GPHN: variants seen among roughly 807,000 people sequenced by gnomAD.
GPHN encodes gephyrin.
Under a neutral mutation model 95.5 loss-of-function variants are expected in GPHN, and 17 were observed. The observed-to-expected ratio is 0.18, with a 90% CI of 0.12 to 0.27. GPHN has a LOEUF of 0.27. Among genes scored for constraint, GPHN ranks in the 10% least tolerant of loss-of-function variants. The pLI is 1.00. For missense variants in GPHN, 660 were observed against 978.1 expected (o/e 0.67, Z 4.34); for synonymous variants, 320 against 322.5 (o/e 0.99, Z 0.08).
At chr14:66,888,660 G>A (rs1371990701) in intron 5 of GPHN, among the ~76,000 whole-genome samples, 1 of 152,054 alleles carries the variant, frequency 6.6e-6, no homozygotes, top group Non-Finnish European at 1.5e-5. Flanking sequence ...AGATAGTAAT[G>A]TAGGAAATAA....
the GPHN span, among the ~76,000 whole-genome samples, chr14:67,352,256 C>T: frequency 1.3e-5 from 2 of 151,732 alleles, no homozygotes; most frequent in Middle Eastern, 3.4e-3. Context: ...CTGTTTGAGC[C>T]CGGGAGTCAA....
chr14:66,724,761 A>G (rs1280057443), intron 2 of GPHN, among the ~76,000 whole-genome samples: 4 of 152,210 alleles, frequency 2.6e-5, no homozygotes, highest in African/African-American at 9.6e-5. Context: ...ATTTTGTGAT[A>G]GCATGTACTG....
At chr14:67,466,342 G>T in the GPHN span, among the ~76,000 whole-genome samples, 3 of 152,242 alleles carry the variant, frequency 2.0e-5, no homozygotes, top group Non-Finnish European at 4.4e-5. Flanking sequence ...ACAATGGGTG[G>T]ATCAGTGGAG....
the GPHN span, among the ~76,000 whole-genome samples, chr14:67,304,611 T>C: frequency 1.3e-5 from 2 of 152,198 alleles, no homozygotes; most frequent in East Asian, 1.9e-4. Context: ...GAAAGCAGAT[T>C]AGTAATTCCT....
intron 9 of GPHN, among the ~76,000 whole-genome samples, chr14:67,010,898 T>A (rs1363674241): frequency 5.3e-5 from 8 of 151,974 alleles, no homozygotes. Context: ...AGGAAAAAAA[T>A]AATGAAAAAA....
Position 66,798,228 on chromosome 14 carries a change from T to C in GPHN, c.201+21707T>C, listed in dbSNP as rs140335888. On this transcript the variant is annotated intron_variant, in intron 3 of 22. Transcript: ENST00000478722. ...TGTATTGCTGAATTCATTTTACTAA[T>C]ATTTCATTGAGGAGTTTTGCATCAA... is the stretch of plus-strand genomic sequence containing the variant. Among the ~76,000 whole-genome samples the C allele has an allele frequency of 1.2e-3, 181 of 152,124 alleles. No individual in the cohort carries two copies. In the Middle Eastern group the frequency reaches 0.014, roughly 11 times the overall value.
the GPHN span, among the ~76,000 whole-genome samples, chr14:67,643,481 G>A: frequency 6.6e-6 from 1 of 152,294 alleles, no homozygotes; most frequent in African/African-American, 2.4e-5. Flanking sequence ...CTAGGTGGTA[G>A]ATATGGTTTT....
At chr14:67,678,011 T>TAA in the GPHN span, 3 of 199,856 alleles carry the variant, frequency 1.5e-5, no homozygotes, top group South Asian at 3.4e-4. Context: ...TGCTATAGCT[T>TAA]AGATTCTCCT....
the GPHN span, among the ~76,000 whole-genome samples, chr14:67,192,918 A>G: frequency 2.0e-5 from 3 of 146,710 alleles, no homozygotes; most frequent in Admixed American, 6.9e-5. Flanking sequence ...ATATAGATAT[A>G]TATGTATATA....
At chr14:67,621,254 A>G in the GPHN span, among the ~76,000 whole-genome samples, 1 of 152,094 alleles carries the variant, frequency 6.6e-6, no homozygotes, top group African/African-American at 2.4e-5. Flanking sequence ...TCAACTGCAC[A>G]GTCAACCTTT....
the GPHN span, chr14:67,615,128 G>T: frequency 6.6e-6 from 1 of 152,258 alleles, no homozygotes; most frequent in Admixed American, 6.5e-5. Context: ...TACAAAGGAA[G>T]AAGAAAAATA....
chr14:67,602,416 G>A, the GPHN span, among the ~76,000 whole-genome samples: 232 of 152,236 alleles, frequency 1.5e-3, no homozygotes, highest in Non-Finnish European at 2.6e-3. Flanking sequence ...ACAGAGAGCC[G>A]AACCATATCA....
intron 1 of GPHN, among the ~76,000 whole-genome samples, chr14:66,515,550 A>G (rs2058207113): frequency 6.6e-6 from 1 of 152,188 alleles, no homozygotes; most frequent in Non-Finnish European, 1.5e-5. Flanking sequence ...CTAAAAACTA[A>G]AAATTTGAAA....
chr14:66,842,752 A>T, intron 4 of GPHN: 1 of 1,439,914 alleles, frequency 6.9e-7, no homozygotes, highest in Non-Finnish European at 9.3e-7. Context: ...AATCATTTTC[A>T]GATTAATAAT....
the GPHN span, chr14:67,648,904 G>A: frequency 6.6e-6 from 1 of 152,184 alleles, no homozygotes; most frequent in African/African-American, 2.4e-5. Context: ...GGTATAGATA[G>A]AGACCCCAGA....
chr14:67,530,779 T>C, the GPHN span, among the ~76,000 whole-genome samples: 2 of 152,218 alleles, frequency 1.3e-5, no homozygotes, highest in African/African-American at 4.8e-5. Flanking sequence ...AACTGCCCCA[T>C]TTTCTTGAAG....
chr14:66,655,218 T>A (rs1251654345), intron 1 of GPHN, among the ~76,000 whole-genome samples: 1 of 152,172 alleles, frequency 6.6e-6, no homozygotes, highest in East Asian at 1.9e-4. Context: ...AGAATTAATA[T>A]TTTTAAATGT....
At chr14:66,908,111 T>C (rs2065475623) in intron 5 of GPHN, among the ~76,000 whole-genome samples, 1 of 152,104 alleles carries the variant, frequency 6.6e-6, no homozygotes, top group Admixed American at 6.6e-5. Flanking sequence ...GACATATCAA[T>C]ATGAAATGAT....
chr14:67,372,650 GA>G, the GPHN span, among the ~76,000 whole-genome samples: 1 of 152,202 alleles, frequency 6.6e-6, no homozygotes, highest in Middle Eastern at 3.4e-3. Flanking sequence ...CCAACATGGT[GA>G]AACCCCGTCT....
Sources: gnomAD v4.1 joint callset for allele counts (sites outside exome capture counted in the v4.1 genomes callset) on GRCh38, gnomAD v4.1.1 for gene constraint, MANE v1.5 for transcripts, NCBI Gene and HGNC (gene_info 2026-07-23, HGNC 2026-07-21) for gene names.